CHRNA7: variants seen among roughly 807,000 people sequenced by gnomAD.
CHRNA7 encodes the protein neuronal acetylcholine receptor subunit alpha-7.
CHRNA7 carries 17 observed loss-of-function variants against 48.0 expected under a neutral mutation model. The observed-to-expected ratio is 0.35, with a 90% CI of 0.24 to 0.53. CHRNA7 has a LOEUF of 0.53. Ranked by LOEUF, CHRNA7 falls within the 20% of genes least tolerant of loss-of-function variation. CHRNA7 has a pLI of 0.92. For missense variants in CHRNA7, 155 were observed against 577.7 expected, an observed-to-expected ratio of 0.27 and a Z score of 7.50; for synonymous variants, 75 against 242.3, an observed-to-expected ratio of 0.31 and a Z score of 6.41.
At chr15:32,098,249 T>G (rs1258442105) in intron 2 of CHRNA7, among the ~76,000 whole-genome samples, 2 of 152,090 alleles carry the variant, frequency 1.3e-5, no homozygotes, top group Non-Finnish European at 2.9e-5. Context: ...TCAGCTTTAG[T>G]GCAGCAGGGT....
intron 2 of CHRNA7, among the ~76,000 whole-genome samples, chr15:32,041,613 C>T (rs1268453006): frequency 6.6e-6 from 1 of 152,252 alleles, no homozygotes; most frequent in Non-Finnish European, 1.5e-5. Context: ...TCTACTTCTT[C>T]TCCTTCTCGC....
At chr15:32,113,869 A>G (rs2050804591) in intron 4 of CHRNA7, among the ~76,000 whole-genome samples, 2 of 150,510 alleles carry the variant, frequency 1.3e-5, no homozygotes, top group East Asian at 1.9e-4. Flanking sequence ...AATAACGACA[A>G]CAACAACAAA....
chr15:32,145,119 G>T (rs528167147), intron 4 of CHRNA7, among the ~76,000 whole-genome samples: 1 of 152,290 alleles, frequency 6.6e-6, no homozygotes, highest in South Asian at 2.1e-4. Flanking sequence ...CCCTTTTGTT[G>T]ATGTTGATGC....
chr15:32,121,645 C>T (rs976715529), intron 4 of CHRNA7, among the ~76,000 whole-genome samples: 1 of 152,188 alleles, frequency 6.6e-6, no homozygotes, highest in Non-Finnish European at 1.5e-5. Flanking sequence ...CAACTGTTCA[C>T]GGCAGGGTGG....
At chr15:32,100,039 A>G (rs2050543706) in intron 2 of CHRNA7, 1 of 152,170 alleles carries the variant, frequency 6.6e-6, no homozygotes, top group Admixed American at 6.5e-5. Flanking sequence ...GAGGTGCCCA[A>G]CATGTGAGCA....
At chr15:32,097,767 TC>T (rs1272341162) in intron 2 of CHRNA7, among the ~76,000 whole-genome samples, 1 of 152,158 alleles carries the variant, frequency 6.6e-6, no homozygotes, top group Non-Finnish European at 1.5e-5. Flanking sequence ...GATGTTTCTG[TC>T]CCCTCTCTTG....
intron 4 of CHRNA7, 52 bp downstream of exon 4, chr15:32,111,951 G>C (rs1482281613): frequency 9.8e-7 from 1 of 1,019,178 alleles, no homozygotes; most frequent in Admixed American, 1.7e-5. Context: ...CATACATGTA[G>C]CTATCACGTA....
chr15:32,090,029 G>T (rs2050358435), intron 2 of CHRNA7, among the ~76,000 whole-genome samples: 1 of 152,310 alleles, frequency 6.6e-6, no homozygotes, highest in South Asian at 2.1e-4. Flanking sequence ...TGGTGGGGTG[G>T]TAGGTGGGGA....
intron 4 of CHRNA7, among the ~76,000 whole-genome samples, chr15:32,119,351 A>T (rs1463397582): frequency 6.6e-6 from 1 of 152,202 alleles, no homozygotes; most frequent in African/African-American, 2.4e-5. Flanking sequence ...ACACACGATC[A>T]CTTTATATTT....
At chr15:32,127,822 G>T (rs2051094455) in intron 4 of CHRNA7, among the ~76,000 whole-genome samples, 1 of 152,034 alleles carries the variant, frequency 6.6e-6, no homozygotes, top group African/African-American at 2.4e-5. Flanking sequence ...AAAAATTACA[G>T]TGAAGTTTTT....
chr15:32,082,815 T>G (rs1343461717), intron 2 of CHRNA7, among the ~76,000 whole-genome samples: 1 of 152,184 alleles, frequency 6.6e-6, no homozygotes, highest in Non-Finnish European at 1.5e-5. Context: ...GATCACTGTT[T>G]TTTAGTATAA....
chr15:32,141,399 A>G (rs1257687846), intron 4 of CHRNA7, among the ~76,000 whole-genome samples: 1 of 152,206 alleles, frequency 6.6e-6, no homozygotes, highest in Non-Finnish European at 1.5e-5. Flanking sequence ...TGTCTTGGCT[A>G]TGTGGGCTCT....
chr15:32,128,442 T>G (rs563662045), intron 4 of CHRNA7, among the ~76,000 whole-genome samples: 2 of 151,940 alleles, frequency 1.3e-5, no homozygotes, highest in Non-Finnish European at 2.9e-5. Flanking sequence ...TTCAATCTTC[T>G]ATGATTTTTC....
intron 4 of CHRNA7, among the ~76,000 whole-genome samples, chr15:32,118,306 A>G (rs142441910): frequency 6.6e-4 from 101 of 152,326 alleles, no homozygotes; most frequent in African/African-American, 2.3e-3. Context: ...TTCTTTATAA[A>G]TTACCCAGTT....
intron 4 of CHRNA7, among the ~76,000 whole-genome samples, chr15:32,140,934 T>C (rs1264539944): frequency 6.6e-6 from 1 of 152,182 alleles, no homozygotes; most frequent in Non-Finnish European, 1.5e-5. Context: ...AATTAAATCC[T>C]ATTTGTATAT....
intron 4 of CHRNA7, among the ~76,000 whole-genome samples, chr15:32,140,165 A>G (rs1043632777): frequency 3.3e-5 from 5 of 150,514 alleles, no homozygotes; most frequent in South Asian, 2.1e-4. Context: ...GAATGAGAAC[A>G]TGTGGTGTTT....
At chr15:32,114,479 C>T (rs975270655) in intron 4 of CHRNA7, among the ~76,000 whole-genome samples, 13 of 152,112 alleles carry the variant, frequency 8.5e-5, no homozygotes, top group African/African-American at 2.7e-4. Flanking sequence ...GGATCCTGCT[C>T]GTTCCTCTTT....
chr15:32,144,393 T>A (rs896794640), intron 4 of CHRNA7, among the ~76,000 whole-genome samples: 2 of 152,184 alleles, frequency 1.3e-5, no homozygotes, highest in African/African-American at 4.8e-5. Context: ...ATTATGTGTC[T>A]TGGGGTTGCT....
chr15:32,070,960 T>A (rs1302818344), intron 2 of CHRNA7, among the ~76,000 whole-genome samples: 1 of 152,130 alleles, frequency 6.6e-6, no homozygotes, highest in Non-Finnish European at 1.5e-5. Flanking sequence ...GTGCTGGGAT[T>A]ACAGGCATGA....
Sources: allele counts gnomAD v4.1 joint callset (sites outside exome capture counted in the v4.1 genomes callset), GRCh38; gene constraint gnomAD v4.1.1; transcripts MANE v1.5; gene names NCBI Gene and HGNC (gene_info 2026-07-23, HGNC 2026-07-21).